Variants in PDIK1L observed in about 807,000 individuals in gnomAD.
The protein encoded by PDIK1L is PDLIM1 interacting kinase 1 like.
Under a neutral mutation model 27.1 loss-of-function variants are expected in PDIK1L, and 9 were observed. The observed-to-expected ratio is 0.33, with a 90% CI of 0.20 to 0.58. PDIK1L has a LOEUF of 0.58. PDIK1L is among the 20% of genes least tolerant of loss of function. PDIK1L has a pLI of 0.86. For missense variants in PDIK1L, 216 were observed against 413.2 expected (o/e 0.52, Z 4.14); for synonymous variants, 130 against 141.7 (o/e 0.92, Z 0.59).
chr1:26,112,844 T>A (rs1013764579), intron 1 of PDIK1L, among the ~76,000 whole-genome samples: 3 of 152,246 alleles, frequency 2.0e-5, no homozygotes, highest in Non-Finnish European at 4.4e-5. Flanking sequence ...GTGGTCACAA[T>A]CTACAAATGA....
intron 2 of PDIK1L, among the ~76,000 whole-genome samples, chr1:26,120,663 A>T (rs1394368210): frequency 6.6e-6 from 1 of 152,200 alleles, no homozygotes; most frequent in Non-Finnish European, 1.5e-5. Flanking sequence ...TTTAAAAGAC[A>T]ATATACGGGG....
Position 26,114,690 on chromosome 1 carries a change from G to A in PDIK1L, c.285+97G>A. On this transcript the variant is annotated intron_variant, in intron 2 of 2. Coordinates refer to ENST00000374269, the MANE Select transcript of PDIK1L (RefSeq NM_152835.5). This position sits in a 1 kb window ranked among gnomAD's most constrained non-coding sequence, Gnocchi z 4.8. ...GTCAGACGAACGTTTCCCTTTAAAT[G>A]CAGGTGTTTGTAGTTAGAAGTAGAT... 7.5e-7 allele frequency: 1 copy of A among 1,334,348 alleles called. No homozygotes were observed. The highest frequency in any genetic ancestry group is 2.2e-5 in the Admixed American group (1 of 45,556). The allele number at this position is 1,334,348 out of a possible 1,614,324, so 82.7% of individuals were successfully genotyped here.
At chr1:26,112,290 C>T (rs1344940929) in intron 1 of PDIK1L, among the ~76,000 whole-genome samples, 1 of 152,208 alleles carries the variant, frequency 6.6e-6, no homozygotes, top group Non-Finnish European at 1.5e-5. Context: ...TGGCCCTTCC[C>T]GGGCGCCGGC....
At chr1:26,120,207 C>G (rs946894979) in intron 2 of PDIK1L, among the ~76,000 whole-genome samples, 2 of 152,088 alleles carry the variant, frequency 1.3e-5, no homozygotes, top group African/African-American at 4.8e-5. Flanking sequence ...GTACAGAGAC[C>G]TTATGTGGCT....
chr1:26,117,295 G>C (rs1453976399), intron 2 of PDIK1L, among the ~76,000 whole-genome samples: 1 of 151,992 alleles, frequency 6.6e-6, no homozygotes, highest in Non-Finnish European at 1.5e-5. Flanking sequence ...GCCTCCCAAA[G>C]TGCTGGGATT....
intron 1 of PDIK1L, among the ~76,000 whole-genome samples, chr1:26,113,937 G>A (rs549915255): frequency 7.2e-5 from 11 of 152,260 alleles, no homozygotes; most frequent in Non-Finnish European, 1.5e-4. Context: ...AGATGGCCGG[G>A]TTTCAAATCC....
At chr1:26,117,459 A>G (rs1234201661) in intron 2 of PDIK1L, among the ~76,000 whole-genome samples, 4 of 152,168 alleles carry the variant, frequency 2.6e-5, no homozygotes, top group Non-Finnish European at 4.4e-5. Context: ...CATTCTTACT[A>G]TGTTCTCTCT....
intron 2 of PDIK1L, among the ~76,000 whole-genome samples, chr1:26,117,480 T>C (rs2087899459): frequency 6.6e-6 from 1 of 152,188 alleles, no homozygotes; most frequent in Non-Finnish European, 1.5e-5. Flanking sequence ...GAAAAGTGAA[T>C]AGAGGCCAGG....
At chr1:26,120,729 G>A (rs538718751) in intron 2 of PDIK1L, among the ~76,000 whole-genome samples, 14 of 152,088 alleles carry the variant, frequency 9.2e-5, no homozygotes, top group Non-Finnish European at 7.3e-5. Context: ...CGAGGTGGGC[G>A]GATCACGAGG....
At position 26,123,579 on chromosome 1, in the gene PDIK1L, G is replaced by A. The variant is rs2088029228; in HGVS notation, c.*1002G>A. 6.6e-6 allele frequency: 1 copy of A among 152,574 alleles called. No individual in the cohort carries two copies. Among genetic ancestry groups the A allele is most frequent in the African/African-American group, 2.4e-5 (1 of 41,420 alleles). 9.5% of individuals were successfully genotyped at this position (152,574 alleles called of 1,614,324 possible). The stretch of plus-strand genomic sequence containing the variant: ...TACTGAAGTTGAAGAAACCAAATGA[G>A]CTCCACCCTCACTTTGCCTGCCCTG... On this transcript the variant is annotated 3_prime_UTR_variant, in exon 3 of 3. Coordinates refer to ENST00000374269, the MANE Select transcript of PDIK1L (RefSeq NM_152835.5).
chr1:26,121,438 C>A (rs1247832975), intron 2 of PDIK1L, among the ~76,000 whole-genome samples: 1 of 152,162 alleles, frequency 6.6e-6, no homozygotes, highest in African/African-American at 2.4e-5. Context: ...CATTGAATAG[C>A]GTTTCCTAAT....
Position 26,121,888 on chromosome 1 carries a change from T to A in PDIK1L, c.337T>A (p.Tyr113Asn). 6.2e-7 allele frequency: 1 copy of A among 1,613,910 alleles called. No individual in the cohort carries two copies. Among genetic ancestry groups the A allele is most frequent in the Non-Finnish European group, 8.5e-7 (1 of 1,179,910 alleles). The change falls in exon 3 of 3, where the codon TAT (tyrosine) becomes AAT (asparagine). Residue 113 changes from tyrosine to asparagine, a missense_variant. Physicochemically the swap from Tyr to Asn is moderately radical, Grantham distance 143 (BLOSUM62 -2). Coordinates refer to ENST00000374269, the MANE Select transcript of PDIK1L (RefSeq NM_152835.5). ...AATTGCCTTTGATCCCAGAAGCGCC[T>A]ATTATTTGTGGTTTGTGATGGATTT... ...GEIAFDPRSA[Y>N]YLWFVMDFCD...
At chr1:26,121,666 A>G (rs1160149415) in intron 2 of PDIK1L, among the ~76,000 whole-genome samples, 171 bp from the exon 3 acceptor site, 2 of 152,210 alleles carry the variant, frequency 1.3e-5, no homozygotes, top group African/African-American at 2.4e-5. Flanking sequence ...TGACAAGTTG[A>G]AGCATTTTTT....
chr1:26,122,878 CT>C lies in PDIK1L; in HGVS notation c.*304del, dbSNP rs1273261030. The C allele has an allele frequency of 1.4e-5, 3 of 220,296 alleles. No individual in the cohort carries two copies. The highest frequency in any genetic ancestry group is 2.7e-5 in the Non-Finnish European group (3 of 111,268). 13.6% of individuals were successfully genotyped at this position (220,296 alleles called of 1,614,324 possible). On this transcript the variant is annotated 3_prime_UTR_variant, in exon 3 of 3. Transcript: ENST00000374269. This position sits in a 1 kb window ranked among gnomAD's most constrained non-coding sequence, Gnocchi z 5.4. ...AGAGTCCAGTTTTCTGGAAATATGT[CT>C]TTAAGTATTTTAGACATTCCTCGTC...
At position 26,114,611 on chromosome 1, in the gene PDIK1L, G is replaced by A. The variant is rs754544782; in HGVS notation, c.285+18G>A. 6.2e-7 allele frequency: 1 copy of A among 1,604,040 alleles called. No individual in the cohort carries two copies. Among genetic ancestry groups the A allele is most frequent in the South Asian group, 1.1e-5 (1 of 90,792 alleles). On this transcript the variant is annotated intron_variant, in intron 2 of 2. Coordinates refer to ENST00000374269, the MANE Select transcript of PDIK1L (RefSeq NM_152835.5). This position sits in a 1 kb window ranked among gnomAD's most constrained non-coding sequence, Gnocchi z 4.8. ...ATTTACAGGTATGTGTTGTTGATTG[G>A]GAAATAGAAATGATTTGAACATGGC...
intron 2 of PDIK1L, among the ~76,000 whole-genome samples, chr1:26,118,518 C>T (rs2087919501): frequency 1.3e-5 from 2 of 152,142 alleles, no homozygotes; most frequent in Admixed American, 6.5e-5. Flanking sequence ...TTGTGTTTCA[C>T]TTATGGTATG....
chr1:26,124,198 T>A lies in PDIK1L; in HGVS notation c.*1621T>A, dbSNP rs1320453499. The stretch of plus-strand genomic sequence containing the variant: ...AGAATGTAAAACATCACAAAAAAAA[T>A]TGCAGTACATAAAATTTCTGGACTA... On this transcript the variant is annotated 3_prime_UTR_variant, in exon 3 of 3. Coordinates refer to ENST00000374269, the MANE Select transcript of PDIK1L (RefSeq NM_152835.5). 1 of 152,522 alleles carries A rather than the reference T, an allele frequency of 6.6e-6. No individual in the cohort carries two copies. The highest frequency in any genetic ancestry group is 1.5e-5 in the Non-Finnish European group (1 of 67,992). 9.4% of individuals were successfully genotyped at this position (152,522 alleles called of 1,614,324 possible).
chr1:26,120,988 A>G (rs2087975584), intron 2 of PDIK1L, among the ~76,000 whole-genome samples: 1 of 151,488 alleles, frequency 6.6e-6, no homozygotes, highest in Admixed American at 6.6e-5. Flanking sequence ...ACTGTATTTT[A>G]GAGTGATAGT....
intron 2 of PDIK1L, among the ~76,000 whole-genome samples, chr1:26,119,102 G>A (rs540759140): frequency 1.8e-4 from 27 of 152,314 alleles, no homozygotes; most frequent in African/African-American, 3.8e-4. Flanking sequence ...ACATAATCCC[G>A]TGGTTCAAAA....
Sources: gnomAD v4.1 joint callset for allele counts (sites outside exome capture counted in the v4.1 genomes callset) on GRCh38, gnomAD v4.1.1 for gene constraint, Gnocchi (gnomAD v3.1) non-coding constraint, MANE v1.5 for transcripts, NCBI Gene and HGNC (gene_info 2026-07-23, HGNC 2026-07-21) for gene names.